Variants in AGAP1 observed in about 807,000 individuals in gnomAD.
AGAP1 encodes the protein arf-GAP with GTPase, ANK repeat and PH domain-containing protein 1.
In AGAP1, 29 loss-of-function variants were observed where a neutral mutation model predicts 105.3. That is an observed-to-expected ratio of 0.28 (90% CI 0.21 to 0.38). The LOEUF (loss-of-function observed/expected upper bound fraction) is 0.38, where lower values mean the gene tolerates loss of function less well. Among genes scored for constraint, AGAP1 ranks in the 10% least tolerant of loss-of-function variants. AGAP1 has a pLI of 1.00. For missense variants in AGAP1, 998 were observed against 1,165.1 expected, an observed-to-expected ratio of 0.86 and a Z score of 2.09; for synonymous variants, 509 against 485.9, an observed-to-expected ratio of 1.05 and a Z score of -0.63.
chr2:235,703,170 C>T (rs981099284), intron 1 of AGAP1, among the ~76,000 whole-genome samples: 4 of 151,978 alleles, frequency 2.6e-5, no homozygotes, highest in Non-Finnish European at 5.9e-5. Context: ...TCAAGTGATC[C>T]GCCTGCCTCA....
chr2:236,075,765 A>G (rs2058620527), intron 16 of AGAP1, among the ~76,000 whole-genome samples: 1 of 152,170 alleles, frequency 6.6e-6, no homozygotes, highest in South Asian at 2.1e-4. Flanking sequence ...CCTTTGACAA[A>G]CAGCAGTGAG....
At chr2:235,708,264 C>T (rs1950651901) in intron 1 of AGAP1, among the ~76,000 whole-genome samples, 1 of 152,314 alleles carries the variant, frequency 6.6e-6, no homozygotes, top group South Asian at 2.1e-4. Flanking sequence ...TGGGATGCAC[C>T]TCCTCCCTCT....
chr2:235,768,011 T>A (rs1368001540), intron 6 of AGAP1, among the ~76,000 whole-genome samples: 3 of 152,150 alleles, frequency 2.0e-5, no homozygotes, highest in African/African-American at 4.8e-5. Context: ...GGTTTCGAAC[T>A]CCTGGCCTCA....
chr2:235,689,110 A>G lies in AGAP1; in HGVS notation c.164-20069A>G, dbSNP rs549042905. ...ACGTATACGTATTTATAGAGCAATGAAGAAATAAGCCCAAGGCTATCCCAT... is the reference window on the plus strand; with the variant it reads ...ACGTATACGTATTTATAGAGCAATGGAGAAATAAGCCCAAGGCTATCCCAT... On this transcript the variant is annotated intron_variant, in intron 1 of 17. Transcript: ENST00000304032. The surrounding 1 kb of genome is among the most constrained non-coding windows in gnomAD (Gnocchi z 4.2). Among the ~76,000 whole-genome samples, 68 of 152,360 alleles carry G rather than the reference A, an allele frequency of 4.5e-4. No individual in the cohort carries two copies. Among genetic ancestry groups the G allele is most frequent in the Non-Finnish European group, 7.5e-4 (51 of 68,040 alleles).
Position 235,535,864 on chromosome 2 carries a change from C to G in AGAP1, c.163+41015C>G, listed in dbSNP as rs372835114. On this transcript the variant is annotated intron_variant, in intron 1 of 17. Coordinates refer to ENST00000304032, the MANE Select transcript of AGAP1 (RefSeq NM_001037131.3). The surrounding 1 kb of genome is among the most constrained non-coding windows in gnomAD (Gnocchi z 5.1). ...GGCAGACACACATTAGGAGTCCACGCGCAGGTAGCCTGGCCTTTGAAGCTC... is the reference window on the plus strand; with the variant it reads ...GGCAGACACACATTAGGAGTCCACGGGCAGGTAGCCTGGCCTTTGAAGCTC... 2.6e-5 allele frequency among the ~76,000 whole-genome samples: 4 copies of G among 151,946 alleles called. No individual in the cohort carries two copies. Among genetic ancestry groups the G allele is most frequent in the African/African-American group, 4.8e-5 (2 of 41,370 alleles).
At chr2:235,497,941 C>T (rs1460374205) in intron 1 of AGAP1, among the ~76,000 whole-genome samples, 1 of 152,132 alleles carries the variant, frequency 6.6e-6, no homozygotes, top group Non-Finnish European at 1.5e-5. Context: ...TAGGGTTTCT[C>T]TTGTTGGCAC....
rs1362071132 is a variant in AGAP1, at chr2:235,536,635, A to G, written c.163+41786A>G. 6.4e-3 allele frequency among the ~76,000 whole-genome samples: 418 copies of G among 65,454 alleles called. 4 individuals are homozygous for G. The highest frequency in any genetic ancestry group is 0.024 in the African/African-American group (392 of 16,104). The allele number at this position is 65,454 out of a possible 152,430, so 42.9% of individuals were successfully genotyped here. On this transcript the variant is annotated intron_variant, in intron 1 of 17. Transcript: ENST00000304032. Reference sequence around the variant, plus strand: ...TTTGTGTGTCGCATCCTTCACACACACACACACACACACACACACACACAC... The same window carrying G: ...TTTGTGTGTCGCATCCTTCACACACGCACACACACACACACACACACACAC...
At chr2:235,990,393 C>G (rs1260938768) in intron 13 of AGAP1, among the ~76,000 whole-genome samples, 1 of 152,204 alleles carries the variant, frequency 6.6e-6, no homozygotes, top group Non-Finnish European at 1.5e-5. Context: ...CCTGTGTCTG[C>G]CTCGTGATGT....
rs1350489127 is a variant in AGAP1, at chr2:236,089,932, T to C, written c.2115-30260T>C. Among the ~76,000 whole-genome samples the C allele has an allele frequency of 2.6e-5, 4 of 151,692 alleles. No individual in the cohort carries two copies. Among genetic ancestry groups the C allele is most frequent in the African/African-American group, 7.3e-5 (3 of 41,090 alleles). Reference sequence around the variant, plus strand: ...GAGTTAGTCACTCAAGTCGTACTTATAACTAGGTTGGAAAAAAAAAAACTC... The same window carrying C: ...GAGTTAGTCACTCAAGTCGTACTTACAACTAGGTTGGAAAAAAAAAAACTC... On this transcript the variant is annotated intron_variant, in intron 16 of 17. Coordinates refer to ENST00000304032, the MANE Select transcript of AGAP1 (RefSeq NM_001037131.3). This position sits in a 1 kb window ranked among gnomAD's most constrained non-coding sequence, Gnocchi z 5.6.
chr2:236,124,568 G>C lies in AGAP1; in HGVS notation c.*446G>C, dbSNP rs1018954821. On this transcript the variant is annotated 3_prime_UTR_variant, in exon 18 of 18. Transcript: ENST00000304032. The surrounding 1 kb of genome is among the most constrained non-coding windows in gnomAD (Gnocchi z 5.1). ...ACTTGGATTCCATCTCTTCTCTGAG[G>C]AGCTCGACGGCATAAATCAGAAGCA... 1.4e-5 allele frequency: 3 copies of C among 212,096 alleles called. No homozygotes were observed. Among genetic ancestry groups the C allele is most frequent in the Non-Finnish European group, 2.9e-5 (3 of 105,150 alleles). 13.1% of individuals were successfully genotyped at this position (212,096 alleles called of 1,614,324 possible).
chr2:235,530,010 T>G (rs946283273), intron 1 of AGAP1, among the ~76,000 whole-genome samples: 1 of 152,126 alleles, frequency 6.6e-6, no homozygotes, highest in African/African-American at 2.4e-5. Context: ...AAAGTAGGTT[T>G]GGGGAGGCAA....
intron 1 of AGAP1, among the ~76,000 whole-genome samples, chr2:235,675,183 T>C (rs1488498466): frequency 7.6e-6 from 1 of 131,860 alleles, no homozygotes; most frequent in Non-Finnish European, 1.6e-5. Flanking sequence ...GGTTGGTTGG[T>C]TGGTTGGTTT....
At position 235,864,170 on chromosome 2, in the gene AGAP1, G is replaced by A. The variant is rs912212710; in HGVS notation, c.1051-19175G>A. On this transcript the variant is annotated intron_variant, in intron 9 of 17. Coordinates refer to ENST00000304032, the MANE Select transcript of AGAP1 (RefSeq NM_001037131.3). This position sits in a 1 kb window ranked among gnomAD's most constrained non-coding sequence, Gnocchi z 5.0. ...AGTGACAACAATTTAGGGATCATTC[G>A]CTAGAATAAAGCAGGAGCAGCAGGT... Among the ~76,000 whole-genome samples, 2 of 152,168 alleles carry A rather than the reference G, an allele frequency of 1.3e-5. No homozygotes were observed. Among genetic ancestry groups the A allele is most frequent in the African/African-American group, 2.4e-5 (1 of 41,444 alleles).
At chr2:236,019,760 G>A (rs935089822) in intron 13 of AGAP1, among the ~76,000 whole-genome samples, 6 of 152,256 alleles carry the variant, frequency 3.9e-5, no homozygotes, top group African/African-American at 1.4e-4. Flanking sequence ...GCAGACAGCT[G>A]TCATCATCAT....
At chr2:235,776,983 G>A in intron 6 of AGAP1, 1 of 471,182 alleles carries the variant, frequency 2.1e-6, no homozygotes, top group Non-Finnish European at 4.4e-6. Flanking sequence ...TGAGTACATG[G>A]TGAGTTCCCA....
chr2:235,874,232 C>G lies in AGAP1; in HGVS notation c.1051-9113C>G, dbSNP rs974050384. Reference sequence around the variant, plus strand: ...TGCCCAGCTAATTTTTTGCATTTTACTAGAGACGGGGTTTCACCATGTTTA... The same window carrying G: ...TGCCCAGCTAATTTTTTGCATTTTAGTAGAGACGGGGTTTCACCATGTTTA... On this transcript the variant is annotated intron_variant, in intron 9 of 17. Coordinates refer to ENST00000304032, the MANE Select transcript of AGAP1 (RefSeq NM_001037131.3). The surrounding 1 kb of genome is among the most constrained non-coding windows in gnomAD (Gnocchi z 4.5). Among the ~76,000 whole-genome samples, 5 of 151,550 alleles carry G rather than the reference C, an allele frequency of 3.3e-5. No individual in the cohort carries two copies. Among genetic ancestry groups the G allele is most frequent in the African/African-American group, 1.2e-4 (5 of 41,256 alleles).
chr2:235,579,252 C>T (rs1944844616), intron 1 of AGAP1, among the ~76,000 whole-genome samples: 1 of 152,170 alleles, frequency 6.6e-6, no homozygotes, highest in Non-Finnish European at 1.5e-5. Flanking sequence ...GAGCCGGGCT[C>T]AGTTTACCAG....
chr2:235,691,750 G>C lies in AGAP1; in HGVS notation c.164-17429G>C, dbSNP rs1293705931. Among the ~76,000 whole-genome samples the C allele has an allele frequency of 2.0e-5, 3 of 152,176 alleles. No individual in the cohort carries two copies. Among genetic ancestry groups the C allele is most frequent in the African/African-American group, 7.2e-5 (3 of 41,434 alleles). On this transcript the variant is annotated intron_variant, in intron 1 of 17. Transcript: ENST00000304032. The surrounding 1 kb of genome is among the most constrained non-coding windows in gnomAD (Gnocchi z 4.4). The stretch of plus-strand genomic sequence containing the variant: ...CACGCCTCCCTTCCCTTCCTTCCCT[G>C]TCCTGAGTGTGACCTCCGTCATGTT...
At chr2:235,533,299 T>G (rs538994909) in intron 1 of AGAP1, among the ~76,000 whole-genome samples, 92 of 152,332 alleles carry the variant, frequency 6.0e-4, no homozygotes, top group Admixed American at 1.5e-3. Flanking sequence ...TTAATGAAGA[T>G]ACATCCAAAT....
Sources: allele counts gnomAD v4.1 joint callset (sites outside exome capture counted in the v4.1 genomes callset), GRCh38; gene constraint gnomAD v4.1.1; non-coding constraint Gnocchi (gnomAD v3.1); transcripts MANE v1.5; gene names NCBI Gene and HGNC (gene_info 2026-07-23, HGNC 2026-07-21).